The following CPXM2 variants were observed in gnomAD, a reference collection of about 807,000 sequenced individuals.
CPXM2 encodes the protein carboxypeptidase X, M14 family member 2.
Under a neutral mutation model 86.1 loss-of-function variants are expected in CPXM2, and 66 were observed. The ratio of observed to expected loss-of-function variants is 0.77; its 90% CI spans 0.63 to 0.94. The LOEUF (loss-of-function observed/expected upper bound fraction) is 0.94, where lower values mean the gene tolerates loss of function less well. CPXM2 is among the 40% of genes least tolerant of loss of function. The pLI is 0.00. For synonymous variants in CPXM2, 388 were observed against 400.2 expected, an observed-to-expected ratio of 0.97 and a Z score of 0.36; for missense variants, 948 against 1,026.3, an observed-to-expected ratio of 0.92 and a Z score of 1.04.
At chr10:123,787,495 G>A (rs181155663) in intron 6 of CPXM2, among the ~76,000 whole-genome samples, 17 of 152,154 alleles carry the variant, frequency 1.1e-4, no homozygotes, top group South Asian at 2.1e-4. Context: ...CACCACGCCC[G>A]GCTAATTTTT....
intron 3 of CPXM2, among the ~76,000 whole-genome samples, chr10:123,856,946 T>C (rs185481757): frequency 6.6e-6 from 1 of 152,308 alleles, no homozygotes; most frequent in Non-Finnish European, 1.5e-5. Context: ...ACTCAGAATG[T>C]TAATTTCCAA....
chr10:123,936,761 A>C, intron 2 of CPXM2, among the ~76,000 whole-genome samples: 2 of 149,966 alleles, frequency 1.3e-5, no homozygotes, highest in African/African-American at 2.5e-5. Flanking sequence ...CTCTCCCCAT[A>C]CTCCCACCTC....
chr10:123,755,625 A>G (rs1846187539), intron 12 of CPXM2, among the ~76,000 whole-genome samples: 1 of 152,222 alleles, frequency 6.6e-6, no homozygotes, highest in Non-Finnish European at 1.5e-5. Flanking sequence ...GTCAGAGGGA[A>G]AAGAAACAAT....
intron 7 of CPXM2, among the ~76,000 whole-genome samples, chr10:123,775,417 G>A (rs1292776744): frequency 6.6e-6 from 1 of 152,234 alleles, no homozygotes; most frequent in Admixed American, 6.5e-5. Context: ...ATGAATGCAA[G>A]CATTCAGCCC....
chr10:123,768,075 C>T (rs909781033), intron 9 of CPXM2, among the ~76,000 whole-genome samples: 2 of 152,194 alleles, frequency 1.3e-5, no homozygotes, highest in Non-Finnish European at 2.9e-5. Flanking sequence ...TTCCCTGCCT[C>T]AGCAGAGACA....
chr10:123,775,850 C>T (rs117947727), intron 7 of CPXM2, among the ~76,000 whole-genome samples: 2,918 of 152,310 alleles, frequency 0.019, 39 homozygotes, highest in Non-Finnish European at 0.027. Context: ...ATCAAAGACA[C>T]GGGTGGTGGC....
At chr10:123,942,324 G>A (rs1383648690), upstream of CPXM2, among the ~76,000 whole-genome samples, 1 of 152,166 alleles carries the variant, frequency 6.6e-6, no homozygotes, top group Non-Finnish European at 1.5e-5. Flanking sequence ...ATTCCCAGGA[G>A]GTTAGGCATT....
At chr10:123,821,478 C>T (rs536086117) in intron 4 of CPXM2, among the ~76,000 whole-genome samples, 3 of 152,362 alleles carry the variant, frequency 2.0e-5, no homozygotes, top group African/African-American at 7.2e-5. Flanking sequence ...GAAAACTCTT[C>T]TGATTCCAGC....
chr10:123,799,186 T>C lies in CPXM2; in HGVS notation c.667A>G (p.Thr223Ala), dbSNP rs1473293680. The change falls in exon 5 of 14, where the codon ACA becomes GCA. Residue 223 changes from threonine (T) to alanine (A), a missense_variant. Transcript: ENST00000241305. ...TTGCTCACCATGACCTTATAGGATG[T>C]CACCCAGTCACTCCTATGAGAAAAT... ...RNSLWLSDWV[T>A]SYKVMVSNDS... 6.2e-7 allele frequency: 1 copy of C among 1,614,000 alleles called. No homozygotes were observed. The highest frequency in any genetic ancestry group is 8.5e-7 in the Non-Finnish European group (1 of 1,180,026).
chr10:123,751,112 A>G (rs1846065328), intron 13 of CPXM2: 1 of 952,410 alleles, frequency 1.0e-6, no homozygotes, highest in Non-Finnish European at 1.3e-6. Flanking sequence ...GAGATGGATG[A>G]AAGAAGTATG....
Position 123,842,477 on chromosome 10 carries a change from A to G in CPXM2, c.525T>C (p.Asn175=), listed in dbSNP as rs1390598185. The change falls in exon 4 of 14, where the codon AAT becomes AAC. Residue 175 remains asparagine, a synonymous_variant. Coordinates refer to ENST00000241305, the MANE Select transcript of CPXM2 (RefSeq NM_198148.3). ...ACGCTCCGTCATAAAAATCATTTTC[A>G]TTAATGCCCGCCTAGAAAGAAAGAA... ...RGRLNIQAGI[N]ENDFYDGAWC... 1.9e-6 allele frequency: 3 copies of G among 1,614,070 alleles called. No individual in the cohort carries two copies. The highest frequency in any genetic ancestry group is 2.5e-6 in the Non-Finnish European group (3 of 1,180,008).
At chr10:123,851,064 G>A (rs184280593) in intron 3 of CPXM2, among the ~76,000 whole-genome samples, 25 of 152,114 alleles carry the variant, frequency 1.6e-4, no homozygotes, top group Admixed American at 1.1e-3. Context: ...GTCTCATTGC[G>A]GCTTTCATTT....
At chr10:123,747,955 C>T (rs2133961989) in intron 13 of CPXM2, among the ~76,000 whole-genome samples, 1 of 149,158 alleles carries the variant, frequency 6.7e-6, no homozygotes, top group Middle Eastern at 3.6e-3. Flanking sequence ...AGGTTCTAGG[C>T]TGAGGTCTCT....
intron 2 of CPXM2, among the ~76,000 whole-genome samples, chr10:123,912,837 C>CAGTTG: frequency 6.6e-6 from 1 of 152,338 alleles, no homozygotes; most frequent in East Asian, 1.9e-4. Flanking sequence ...TGAAGCCACA[C>CAGTTG]AACAGGTTCA....
At chr10:123,786,795 T>G (rs75518210) in intron 6 of CPXM2, among the ~76,000 whole-genome samples, 3,442 of 152,246 alleles carry the variant, frequency 0.023, 118 homozygotes, top group African/African-American at 0.078. Flanking sequence ...ACAAGATCCT[T>G]CACCTCTCCC....
intron 2 of CPXM2, among the ~76,000 whole-genome samples, chr10:123,928,523 C>A (rs1945642246): frequency 6.6e-6 from 1 of 152,156 alleles, no homozygotes; most frequent in African/African-American, 2.4e-5. Flanking sequence ...CCTATGTTGA[C>A]CAACAGATGA....
At position 123,757,109 on chromosome 10, in the gene CPXM2, C is replaced by T. The variant is rs146544303; in HGVS notation, c.1917+104G>A. On this transcript the variant is annotated intron_variant, in intron 12 of 13. Transcript: ENST00000241305. ...GCAGCACTGTGCTGGCCCAGGATGACGGCCAAGGTCTGAAGCTCTAATTCC... is the reference window on the plus strand; with the variant it reads ...GCAGCACTGTGCTGGCCCAGGATGATGGCCAAGGTCTGAAGCTCTAATTCC... 5.5e-5 allele frequency: 59 copies of T among 1,075,370 alleles called. No individual in the cohort carries two copies. The Admixed American group carries it at 5.6e-4, about 10-fold the overall frequency. The allele number at this position is 1,075,370 out of a possible 1,614,324, so 66.6% of individuals were successfully genotyped here.
intron 4 of CPXM2, among the ~76,000 whole-genome samples, chr10:123,815,735 G>T (rs560376581): frequency 2.6e-5 from 4 of 152,268 alleles, no homozygotes; most frequent in African/African-American, 9.6e-5. Context: ...GATAATTAAA[G>T]TCCTGGCAGG....
chr10:123,810,388 A>C (rs1282710245), intron 4 of CPXM2, among the ~76,000 whole-genome samples: 1 of 152,076 alleles, frequency 6.6e-6, no homozygotes, highest in African/African-American at 2.4e-5. Context: ...ATAAAATAAA[A>C]ACCTTTATGT....
Sources: allele counts gnomAD v4.1 joint callset (sites outside exome capture counted in the v4.1 genomes callset), GRCh38; gene constraint gnomAD v4.1.1; transcripts MANE v1.5; gene names NCBI Gene and HGNC (gene_info 2026-07-23, HGNC 2026-07-21).